Variants in CTNNA3 observed in about 807,000 individuals in gnomAD.
The protein encoded by CTNNA3 is catenin alpha 3.
A neutral mutation model predicts 95.7 loss-of-function variants in CTNNA3; 76 were observed. The ratio of observed to expected loss-of-function variants is 0.79; its 90% CI spans 0.66 to 0.96. The LOEUF (loss-of-function observed/expected upper bound fraction) is 0.96. CTNNA3 is among the 40% of genes least tolerant of loss of function. CTNNA3 has a pLI of 0.00. For missense variants in CTNNA3, 1,191 were observed against 1,089.8 expected (o/e 1.09, Z -1.31); for synonymous variants, 431 against 374.4 (o/e 1.15, Z -1.74).
Position 67,750,756 on chromosome 10 carries a change from G to T in CTNNA3, c.-2+12678C>A, listed in dbSNP as rs546298562. The T allele has an allele frequency of 1.4e-5, 22 of 1,598,654 alleles. 1 individual carries two copies. In the South Asian group the frequency reaches 2.4e-4, roughly 18 times the overall value. On this transcript the variant is annotated intron_variant, in intron 1 of 17. Transcript: ENST00000684154. The stretch of plus-strand genomic sequence containing the variant: ...ATGAGGGGCTGGTGAAAGCCCTTGG[G>T]GTCTCCAATTTCAACCACTTCCAGA...
chr10:66,325,532 G>C (rs909551818), intron 12 of CTNNA3, among the ~76,000 whole-genome samples: 1 of 152,048 alleles, frequency 6.6e-6, no homozygotes, highest in Non-Finnish European at 1.5e-5. Flanking sequence ...GGCATGAGCC[G>C]CTGCACCTGG....
chr10:67,508,573 G>C (rs1452945197), intron 5 of CTNNA3, among the ~76,000 whole-genome samples: 1 of 152,084 alleles, frequency 6.6e-6, no homozygotes, highest in Non-Finnish European at 1.5e-5. Flanking sequence ...AAACAAAGGG[G>C]AAATGCTCTA....
At chr10:67,696,530 C>T (rs1344485816), upstream of CTNNA3, among the ~76,000 whole-genome samples, 1 of 152,142 alleles carries the variant, frequency 6.6e-6, no homozygotes, top group Non-Finnish European at 1.5e-5. Flanking sequence ...GCATCAAGGC[C>T]ATGTGTCACA....
intron 5 of CTNNA3, among the ~76,000 whole-genome samples, chr10:67,362,616 T>C (rs1015111759): frequency 4.0e-5 from 6 of 151,764 alleles, no homozygotes; most frequent in Admixed American, 1.3e-4. Context: ...AAAATAATAA[T>C]AGCCATCTAT....
intron 1 of CTNNA3, among the ~76,000 whole-genome samples, chr10:67,655,099 A>G (rs954784517): frequency 6.6e-6 from 1 of 152,166 alleles, no homozygotes; most frequent in African/African-American, 2.4e-5. Flanking sequence ...CATCTCTATT[A>G]ACATGGTTCT....
chr10:67,405,591 A>T (rs1042074559), intron 5 of CTNNA3, among the ~76,000 whole-genome samples: 3 of 152,150 alleles, frequency 2.0e-5, no homozygotes, highest in Non-Finnish European at 2.9e-5. Context: ...CCACACAATA[A>T]TAGTGGGAGA....
intron 1 of CTNNA3, among the ~76,000 whole-genome samples, chr10:67,710,669 G>A (rs988794414): frequency 1.3e-5 from 2 of 152,074 alleles, no homozygotes; most frequent in Non-Finnish European, 2.9e-5. Flanking sequence ...AAGGGTACTG[G>A]GTGTAGACAC....
rs188309438 is a variant in CTNNA3 at position 67,114,697 on chromosome 10, A to T, written c.1047+65620T>A. Among the ~76,000 whole-genome samples, 201 of 113,972 alleles carry T rather than the reference A, an allele frequency of 1.8e-3. 1 individual carries two copies. The highest frequency in any genetic ancestry group is 2.0e-3 in the Non-Finnish European group (110 of 56,338). The allele number at this position is 113,972 out of a possible 152,430, so 74.8% of individuals were successfully genotyped here. ...ACACTATTAATAAATCACCATAGTG[A>T]TGGTTCTTAAAGGTGTGTGTGTGTG... On this transcript the variant is annotated intron_variant, in intron 7 of 17. Coordinates refer to ENST00000433211, the MANE Select transcript of CTNNA3 (RefSeq NM_013266.4).
At chr10:66,043,356 G>T (rs571431813) in intron 15 of CTNNA3, among the ~76,000 whole-genome samples, 1 of 152,252 alleles carries the variant, frequency 6.6e-6, no homozygotes, top group East Asian at 1.9e-4. Context: ...CAATTCCACT[G>T]GCAATGTAGT....
chr10:67,427,219 C>G (rs984810637), intron 5 of CTNNA3, among the ~76,000 whole-genome samples: 1 of 151,868 alleles, frequency 6.6e-6, no homozygotes, highest in Admixed American at 6.6e-5. Context: ...ACTGGGCACA[C>G]AGTATGGCTA....
At chr10:66,978,541 A>ATAAAAAAAAAATAAAAAAAAT (rs1437563245) in intron 7 of CTNNA3, among the ~76,000 whole-genome samples, 8 of 111,194 alleles carry the variant, frequency 7.2e-5, no homozygotes, top group Non-Finnish European at 7.4e-5. Context: ...AAAAAAAAAA[A>ATAAAAAAAAAATAAAAAAAAT]AAAAAAAAAA....
At chr10:66,281,469 A>G (rs2132161678) in intron 12 of CTNNA3, among the ~76,000 whole-genome samples, 1 of 151,784 alleles carries the variant, frequency 6.6e-6, no homozygotes, top group East Asian at 1.9e-4. Flanking sequence ...AGAAATCAAG[A>G]CTCTTCCACA....
At chr10:67,401,478 A>G (rs916147665) in intron 5 of CTNNA3, among the ~76,000 whole-genome samples, 4 of 152,094 alleles carry the variant, frequency 2.6e-5, no homozygotes, top group Non-Finnish European at 5.9e-5. Flanking sequence ...TAGGCACCCA[A>G]TGTGGGGTGC....
At chr10:66,202,311 C>T (rs2087478482) in intron 13 of CTNNA3, among the ~76,000 whole-genome samples, 1 of 152,192 alleles carries the variant, frequency 6.6e-6, no homozygotes, top group Non-Finnish European at 1.5e-5. Flanking sequence ...AGACGGTAGC[C>T]TCCTCTTGTG....
intron 10 of CTNNA3, among the ~76,000 whole-genome samples, chr10:66,588,810 T>C (rs188890824): frequency 6.6e-6 from 1 of 152,192 alleles, no homozygotes; most frequent in Non-Finnish European, 1.5e-5. Context: ...AAGTAGGAGT[T>C]GGACTTTTGA....
intron 9 of CTNNA3, among the ~76,000 whole-genome samples, chr10:66,638,885 T>G (rs1845424316): frequency 6.6e-6 from 1 of 152,128 alleles, no homozygotes. Context: ...ATACTTTTCC[T>G]CTCATTCTGC....
intron 3 of CTNNA3, among the ~76,000 whole-genome samples, chr10:67,548,279 A>C (rs1840908858): frequency 1.3e-5 from 2 of 152,202 alleles, no homozygotes; most frequent in Non-Finnish European, 2.9e-5. Context: ...CCCTCACCAG[A>C]AGCAGATGCT....
At chr10:67,641,187 GT>G (rs1158622378) in intron 2 of CTNNA3, among the ~76,000 whole-genome samples, 1 of 152,120 alleles carries the variant, frequency 6.6e-6, no homozygotes, top group African/African-American at 2.4e-5. Flanking sequence ...CCATCAAAAA[GT>G]GGGCAAAGGA....
At chr10:66,251,105 C>T (rs1218471896) in intron 13 of CTNNA3, among the ~76,000 whole-genome samples, 1 of 152,158 alleles carries the variant, frequency 6.6e-6, no homozygotes, top group Non-Finnish European at 1.5e-5. Flanking sequence ...GTGATCCATG[C>T]ACCAGGAACC....
Sources: gnomAD v4.1 joint callset for allele counts (sites outside exome capture counted in the v4.1 genomes callset) on GRCh38, gnomAD v4.1.1 for gene constraint, MANE v1.5 for transcripts, NCBI Gene and HGNC (gene_info 2026-07-23, HGNC 2026-07-21) for gene names.